TCF12: variants seen among roughly 807,000 people sequenced by gnomAD.
The protein encoded by TCF12 is transcription factor 12.
TCF12 carries 45 observed loss-of-function variants against 86.0 expected under a neutral mutation model. That is an observed-to-expected ratio of 0.52 (90% CI 0.41 to 0.67). The LOEUF (loss-of-function observed/expected upper bound fraction) is 0.67. Among genes scored for constraint, TCF12 ranks in the 30% least tolerant of loss-of-function variants. TCF12 has a pLI of 0.00. For synonymous variants in TCF12, 330 were observed against 299.6 expected, an observed-to-expected ratio of 1.10 and a Z score of -1.05; for missense variants, 881 against 859.9, an observed-to-expected ratio of 1.02 and a Z score of -0.31.
rs141527804 is a variant in TCF12 at position 56,933,432 on chromosome 15, G to C, written c.148+12334G>C. ...CTACTAATGCTCTGTTTTTTGTTCT[G>C]TGTAGAATGGTTTGTTTAAGGTAGT... On this transcript the variant is annotated intron_variant, in intron 3 of 20. Transcript: ENST00000333725. Among the ~76,000 whole-genome samples, 242 of 152,224 alleles carry C rather than the reference G, an allele frequency of 1.6e-3. 1 individual carries two copies. Among genetic ancestry groups the C allele is most frequent in the Non-Finnish European group, 2.0e-3 (134 of 68,004 alleles).
chr15:57,073,235 ATCT>A (rs1163857316), intron 4 of TCF12, among the ~76,000 whole-genome samples: 1 of 152,152 alleles, frequency 6.6e-6, no homozygotes, highest in African/African-American at 2.4e-5. Flanking sequence ...TTCTTTTTTA[ATCT>A]TCTAACTGTT....
chr15:56,979,146 A>G (rs1458642898), intron 3 of TCF12, among the ~76,000 whole-genome samples: 1 of 152,026 alleles, frequency 6.6e-6, no homozygotes. Context: ...TTTGTTTCTT[A>G]TGTTTAACAG....
intron 4 of TCF12, among the ~76,000 whole-genome samples, chr15:57,090,775 G>T (rs1217863156): frequency 2.0e-5 from 3 of 152,070 alleles, no homozygotes; most frequent in Non-Finnish European, 4.4e-5. Flanking sequence ...CTTCGTATAC[G>T]TTTTTCCGGT....
chr15:57,204,802 T>C (rs981589367), intron 8 of TCF12, among the ~76,000 whole-genome samples: 18 of 152,010 alleles, frequency 1.2e-4, no homozygotes, highest in African/African-American at 3.4e-4. Context: ...CAGAACTTTC[T>C]GGGATGGGTG....
At chr15:56,925,489 A>G (rs1002596236) in intron 3 of TCF12, among the ~76,000 whole-genome samples, 73 of 152,308 alleles carry the variant, frequency 4.8e-4, no homozygotes, top group African/African-American at 1.3e-3. Context: ...AAGATATCCA[A>G]CCTTGACTAT....
At chr15:57,214,258 G>C (rs919055896) in intron 8 of TCF12, 3 of 152,154 alleles carry the variant, frequency 2.0e-5, no homozygotes, top group Non-Finnish European at 2.9e-5. Flanking sequence ...TAATTATATA[G>C]TTCTGTCTCA....
chr15:56,974,976 C>T (rs1399853628), intron 3 of TCF12, among the ~76,000 whole-genome samples: 2 of 152,074 alleles, frequency 1.3e-5, no homozygotes, highest in Admixed American at 1.3e-4. Context: ...AATCATTAGC[C>T]ATGTGGCTCT....
At chr15:57,188,932 C>T (rs933530938) in intron 6 of TCF12, among the ~76,000 whole-genome samples, 8 of 152,188 alleles carry the variant, frequency 5.3e-5, no homozygotes, top group Admixed American at 3.3e-4. Context: ...GAACTACAGG[C>T]GCACACCATC....
chr15:57,127,403 A>T (rs2051746840), intron 5 of TCF12, among the ~76,000 whole-genome samples: 1 of 152,176 alleles, frequency 6.6e-6, no homozygotes, highest in Admixed American at 6.5e-5. Context: ...TATTTTCATC[A>T]TTAATAGTTT....
chr15:57,182,311 ATTATT>A (rs1375959201), intron 6 of TCF12, among the ~76,000 whole-genome samples: 3 of 152,240 alleles, frequency 2.0e-5, no homozygotes, highest in South Asian at 2.1e-4. Flanking sequence ...AGAAAAATAT[ATTATT>A]TTATTAGTGT....
chr15:57,156,302 C>A (rs2054104282), intron 5 of TCF12, among the ~76,000 whole-genome samples: 1 of 152,150 alleles, frequency 6.6e-6, no homozygotes, highest in Non-Finnish European at 1.5e-5. Context: ...TAAAAGAAAT[C>A]ATTTAATCCA....
chr15:56,939,707 A>T (rs184028139), intron 3 of TCF12, among the ~76,000 whole-genome samples: 149 of 151,254 alleles, frequency 9.9e-4, no homozygotes, highest in Non-Finnish European at 1.6e-3. Context: ...ACATTCCCCA[A>T]ATTGCATTTT....
rs2064869307 is a variant in TCF12, at chr15:57,012,105, GT to G, written c.149-51640del. Among the ~76,000 whole-genome samples, 2 of 151,970 alleles carry G rather than the reference GT, an allele frequency of 1.3e-5. 1 individual carries two copies. The highest frequency in any genetic ancestry group is 4.1e-4 in the South Asian group (2 of 4,824). On this transcript the variant is annotated intron_variant, in intron 3 of 20. Coordinates refer to ENST00000333725, the MANE Select transcript of TCF12 (RefSeq NM_207037.2). ...ATCTTAATAGGAGAGTATCTTTCTG[GT>G]TTTTAATTTGCTTACAGAAAATGGA...
intron 19 of TCF12, among the ~76,000 whole-genome samples, chr15:57,280,254 A>T (rs1336304664): frequency 6.6e-6 from 1 of 152,170 alleles, no homozygotes; most frequent in Non-Finnish European, 1.5e-5. Context: ...GTGCACAACT[A>T]CTTATTAAGA....
intron 3 of TCF12, among the ~76,000 whole-genome samples, chr15:57,016,276 G>C (rs1468321484): frequency 6.6e-6 from 1 of 152,170 alleles, no homozygotes; most frequent in Non-Finnish European, 1.5e-5. Context: ...CTTCTTCATG[G>C]GCCAGACAGA....
At chr15:56,981,200 A>G (rs1285462668) in intron 3 of TCF12, among the ~76,000 whole-genome samples, 3 of 152,240 alleles carry the variant, frequency 2.0e-5, no homozygotes, top group African/African-American at 7.2e-5. Flanking sequence ...ATGTGCTGCT[A>G]TAACAGAATA....
At chr15:57,153,997 T>TA (rs71441455) in intron 5 of TCF12, among the ~76,000 whole-genome samples, 2,067 of 132,688 alleles carry the variant, frequency 0.016, 34 homozygotes, top group South Asian at 0.055. Context: ...CCTGTGTCTT[T>TA]AAAAAAAAAA....
intron 6 of TCF12, among the ~76,000 whole-genome samples, chr15:57,177,670 A>G (rs1052498897): frequency 2.8e-5 from 4 of 141,936 alleles, no homozygotes; most frequent in African/African-American, 5.2e-5. Flanking sequence ...TGGCAGGGAA[A>G]AAACTTCATT....
At chr15:57,069,764 G>GT (rs1322409024) in intron 4 of TCF12, among the ~76,000 whole-genome samples, 2 of 152,088 alleles carry the variant, frequency 1.3e-5, no homozygotes, top group East Asian at 3.9e-4. Flanking sequence ...AGAACTTTAC[G>GT]TTTTCTGCCA....
Sources: gnomAD v4.1 joint callset for allele counts (sites outside exome capture counted in the v4.1 genomes callset) on GRCh38, gnomAD v4.1.1 for gene constraint, MANE v1.5 for transcripts, NCBI Gene and HGNC (gene_info 2026-07-23, HGNC 2026-07-21) for gene names.